PRTG: variants seen among roughly 807,000 people sequenced by gnomAD.
PRTG encodes the protein protogenin, also known as immunoglobulin superfamily, DCC subclass, member 5.
A neutral mutation model predicts 122.5 loss-of-function variants in PRTG; 67 were observed. The ratio of observed to expected loss-of-function variants is 0.55; its 90% CI spans 0.45 to 0.67. The LOEUF is 0.67. Ranked by LOEUF, PRTG falls within the 30% of genes least tolerant of loss-of-function variation. The pLI is 0.00. For synonymous variants in PRTG, 554 were observed against 501.1 expected (o/e 1.11, Z -1.41); for missense variants, 1,435 against 1,415.4 (o/e 1.01, Z -0.22).
Position 55,665,025 on chromosome 15 carries a change from G to A in PRTG, c.2041+7420C>T, listed in dbSNP as rs183328826. Among the ~76,000 whole-genome samples, 1,330 of 152,098 alleles carry A rather than the reference G, an allele frequency of 8.7e-3. 8 individuals carry two copies. The highest frequency in any genetic ancestry group is 0.013 in the Admixed American group (203 of 15,296). On this transcript the variant is annotated intron_variant, in intron 11 of 19. Coordinates refer to ENST00000389286, the MANE Select transcript of PRTG (RefSeq NM_173814.6). The stretch of plus-strand genomic sequence containing the variant: ...TGTAATCCCAGCACTTTGGGAGGCC[G>A]AGGCGGGTGGATCACGAGGTCAGGA...
At chr15:55,673,766 C>T in intron 9 of PRTG, 90 bp from the exon 10 acceptor site, 1 of 981,302 alleles carries the variant, frequency 1.0e-6, no homozygotes, top group Non-Finnish European at 1.5e-6. Flanking sequence ...TAATTAGCAA[C>T]ATATAATAAA....
In PRTG at chr15:55,619,934, T is replaced by C; in HGVS notation, c.*78A>G. ...CTGCAGAACTAAGGAGGAAGTCTGC[T>C]CACTAACAGATGACACAGCAGGGTC... is the stretch of plus-strand genomic sequence containing the variant. On this transcript the variant is annotated 3_prime_UTR_variant, in exon 20 of 20. Coordinates refer to ENST00000389286, the MANE Select transcript of PRTG (RefSeq NM_173814.6). The C allele has an allele frequency of 6.3e-7, 1 of 1,576,544 alleles. No individual in the cohort carries two copies. The highest frequency in any genetic ancestry group is 8.6e-7 in the Non-Finnish European group (1 of 1,161,850).
At chr15:55,624,687 A>G (rs534103793) in intron 17 of PRTG, among the ~76,000 whole-genome samples, 180 bp from the exon 18 acceptor site, 1 of 152,310 alleles carries the variant, frequency 6.6e-6, no homozygotes, top group East Asian at 1.9e-4. Context: ...TTATTTGAAG[A>G]GGCATCTTTA....
At chr15:55,670,676 G>A (rs772286547) in intron 11 of PRTG, among the ~76,000 whole-genome samples, 3 of 151,980 alleles carry the variant, frequency 2.0e-5, no homozygotes, top group Non-Finnish European at 4.4e-5. Context: ...TGAGATGGGC[G>A]GATCACCTGA....
At chr15:55,728,114 C>A (rs1351760112) in intron 2 of PRTG, among the ~76,000 whole-genome samples, 1 of 152,136 alleles carries the variant, frequency 6.6e-6, no homozygotes, top group Non-Finnish European at 1.5e-5. Context: ...AATCCGCCCA[C>A]CTCGGCCTCC....
rs908189741 is a variant in PRTG at position 55,617,256 on chromosome 15, T to C, written c.*2756A>G. ...AAAAATTTTCTCTCCAACAAGTAGT[T>C]TCAACAATATAAAAATACTTTAATA... is the stretch of plus-strand genomic sequence containing the variant. On this transcript the variant is annotated 3_prime_UTR_variant, in exon 20 of 20. Transcript: ENST00000389286. The C allele has an allele frequency of 1.3e-5, 2 of 152,078 alleles. No homozygotes were observed. Among genetic ancestry groups the C allele is most frequent in the African/African-American group, 4.8e-5 (2 of 41,428 alleles). 9.4% of individuals were successfully genotyped at this position (152,078 alleles called of 1,614,324 possible).
Position 55,705,398 on chromosome 15 carries a change from T to C in PRTG, c.398-21467A>G, listed in dbSNP as rs567555151. Among the ~76,000 whole-genome samples the C allele has an allele frequency of 2.6e-5, 4 of 152,332 alleles. No homozygotes were observed. In the East Asian group the frequency reaches 7.7e-4, roughly 29 times the overall value. ...ACCTTCCACTTGATTGAATATTACA[T>C]CACTCCCAAAATTTGTAGTAAGGGC... is the stretch of plus-strand genomic sequence containing the variant. On this transcript the variant is annotated intron_variant, in intron 2 of 19. Coordinates refer to ENST00000389286, the MANE Select transcript of PRTG (RefSeq NM_173814.6).
rs1236060267 is a variant in PRTG, at chr15:55,682,416, G to T, written c.624C>A (p.Ala208=). ...RDSGNYRCIA[A]TVAHRRKSME... The stretch of plus-strand genomic sequence containing the variant: ...TACTTTTACGTCGGTGGGCTACAGT[G>T]GCAGCAATACAACGATAATTTCCAG... Residue 208 remains alanine, a synonymous_variant, in exon 4 of 20, where the codon GCC becomes GCA. Transcript: ENST00000389286. 1 of 1,605,994 alleles carries T rather than the reference G, an allele frequency of 6.2e-7. No homozygotes were observed. Among genetic ancestry groups the T allele is most frequent in the Admixed American group, 1.7e-5 (1 of 59,312 alleles).
intron 15 of PRTG, among the ~76,000 whole-genome samples, chr15:55,631,272 G>A (rs564589373): frequency 2.0e-5 from 3 of 152,142 alleles, no homozygotes; most frequent in Non-Finnish European, 4.4e-5. Context: ...GTTACACTTA[G>A]CTGAAAGGAA....
chr15:55,728,599 T>C (rs2031121777), intron 2 of PRTG, among the ~76,000 whole-genome samples: 1 of 152,172 alleles, frequency 6.6e-6, no homozygotes, highest in African/African-American at 2.4e-5. Flanking sequence ...AAGGAAAATT[T>C]CTCAACATGA....
chr15:55,700,167 C>T (rs886875090), intron 2 of PRTG, among the ~76,000 whole-genome samples: 1 of 152,108 alleles, frequency 6.6e-6, no homozygotes, highest in African/African-American at 2.4e-5. Flanking sequence ...ACTATGTCAA[C>T]TGATTTTTAT....
At chr15:55,672,708 C>G in intron 10 of PRTG, 75 bp from the exon 11 acceptor site, 4 of 1,126,542 alleles carry the variant, frequency 3.6e-6, no homozygotes, top group East Asian at 2.7e-5. Context: ...GGGTAGTTCT[C>G]TCAGTTTTAA....
chr15:55,676,036 T>C (rs527806651), intron 8 of PRTG, among the ~76,000 whole-genome samples: 6 of 152,326 alleles, frequency 3.9e-5, no homozygotes, highest in African/African-American at 1.4e-4. Context: ...CTTTACTTGC[T>C]TCAACTCATG....
chr15:55,734,413 C>T (rs1050027736), intron 2 of PRTG, among the ~76,000 whole-genome samples: 3 of 152,088 alleles, frequency 2.0e-5, no homozygotes, highest in African/African-American at 7.2e-5. Context: ...TCTAGCTAAA[C>T]TCCTAGGGAT....
At chr15:55,670,902 AACACACACACACAC>A (rs59455199) in intron 11 of PRTG, among the ~76,000 whole-genome samples, 57,356 of 143,458 alleles carry the variant, frequency 0.4, 11,534 homozygotes, top group Admixed American at 0.47. Context: ...CTCCGTCACA[AACACACACACACAC>A]ACACACACAC....
At chr15:55,741,302 A>AGC in intron 1 of PRTG, among the ~76,000 whole-genome samples, 2 of 152,250 alleles carry the variant, frequency 1.3e-5, no homozygotes, top group Non-Finnish European at 2.9e-5. Flanking sequence ...AAGACAAACA[A>AGC]TAGACTTTGA....
intron 5 of PRTG, 94 bp downstream of exon 5, chr15:55,680,397 T>G: frequency 7.4e-7 from 1 of 1,347,554 alleles, no homozygotes. Context: ...GCCAAACCTG[T>G]GTTTTTGTAT....
At chr15:55,658,391 T>C (rs865879680) in intron 11 of PRTG, among the ~76,000 whole-genome samples, 2 of 151,938 alleles carry the variant, frequency 1.3e-5, no homozygotes, top group African/African-American at 2.4e-5. Flanking sequence ...TCTTGGCTCA[T>C]GGCAACCTCT....
At chr15:55,721,198 T>C (rs538371843) in intron 2 of PRTG, among the ~76,000 whole-genome samples, 1 of 152,288 alleles carries the variant, frequency 6.6e-6, no homozygotes, top group South Asian at 2.1e-4. Flanking sequence ...CTTCCATTCA[T>C]CCCCTTGCCA....
Sources: allele counts gnomAD v4.1 joint callset (sites outside exome capture counted in the v4.1 genomes callset), GRCh38; gene constraint gnomAD v4.1.1; transcripts MANE v1.5; gene names NCBI Gene and HGNC (gene_info 2026-07-23, HGNC 2026-07-21).